PDSS2: variants seen among roughly 807,000 people sequenced by gnomAD.
PDSS2 encodes all trans-polyprenyl-diphosphate synthase PDSS2.
PDSS2 carries 31 observed loss-of-function variants against 44.5 expected under a neutral mutation model. The observed-to-expected ratio is 0.70, with a 90% confidence interval of 0.52 to 0.94. The LOEUF is 0.94. Among genes scored for constraint, PDSS2 ranks in the 40% least tolerant of loss-of-function variants. The pLI, the probability that PDSS2 is intolerant of heterozygous loss-of-function variation, is 0.00. For synonymous variants in PDSS2, 157 were observed against 180.3 expected (o/e 0.87, Z 1.03); for missense variants, 452 against 482.2 (o/e 0.94, Z 0.59).
chr6:107,403,300 G>C (rs1403297287), intron 1 of PDSS2, among the ~76,000 whole-genome samples: 1 of 152,102 alleles, frequency 6.6e-6, no homozygotes, highest in African/African-American at 2.4e-5. Flanking sequence ...GCTGATATAA[G>C]AGGTAGGCTC....
chr6:107,452,765 CA>C (rs1452740488), intron 1 of PDSS2, among the ~76,000 whole-genome samples: 1 of 150,384 alleles, frequency 6.6e-6, no homozygotes, highest in African/African-American at 2.4e-5. Context: ...CTCCCAAGTT[CA>C]AGCGATTCTC....
At chr6:107,391,309 T>C (rs999660068) in intron 1 of PDSS2, among the ~76,000 whole-genome samples, 2 of 152,052 alleles carry the variant, frequency 1.3e-5, no homozygotes, top group Non-Finnish European at 2.9e-5. Flanking sequence ...CCATGTGTAA[T>C]GATAAGAGGG....
intron 3 of PDSS2, among the ~76,000 whole-genome samples, chr6:107,249,092 C>T (rs556368164): frequency 2.6e-5 from 4 of 152,318 alleles, no homozygotes; most frequent in Non-Finnish European, 4.4e-5. Context: ...TTCTGAATGA[C>T]ATCAGGCTTA....
intron 1 of PDSS2, among the ~76,000 whole-genome samples, chr6:107,412,233 C>CTTTTTTTT (rs1169549611): frequency 6.3e-4 from 46 of 73,436 alleles, no homozygotes; most frequent in Non-Finnish European, 8.9e-4. Context: ...GTCCTTTGCT[C>CTTTTTTTT]TTTTTTTTTT....
intron 1 of PDSS2, among the ~76,000 whole-genome samples, chr6:107,443,055 G>A (rs769314078): frequency 6.6e-6 from 1 of 152,146 alleles, no homozygotes; most frequent in Non-Finnish European, 1.5e-5. Context: ...TCCTGGGGAG[G>A]GGAAGGGAGA....
intron 2 of PDSS2, among the ~76,000 whole-genome samples, chr6:107,315,993 C>T (rs545053748): frequency 6.6e-6 from 1 of 152,164 alleles, no homozygotes; most frequent in East Asian, 1.9e-4. Flanking sequence ...GATTGATGGA[C>T]TTAATGAAAT....
At chr6:107,167,513 C>T (rs1425825372) in intron 7 of PDSS2, among the ~76,000 whole-genome samples, 10 of 152,150 alleles carry the variant, frequency 6.6e-5, no homozygotes, top group African/African-American at 2.4e-4. Flanking sequence ...TTCTTGCCTT[C>T]TGCTAGCTTT....
chr6:107,249,863 A>C (rs1774754508), intron 3 of PDSS2, among the ~76,000 whole-genome samples: 1 of 152,184 alleles, frequency 6.6e-6, no homozygotes, highest in African/African-American at 2.4e-5. Flanking sequence ...GTCTCACCCA[A>C]GTTAGGAAGA....
intron 4 of PDSS2, among the ~76,000 whole-genome samples, chr6:107,234,701 C>A (rs1156336901): frequency 6.6e-6 from 1 of 152,080 alleles, no homozygotes; most frequent in Non-Finnish European, 1.5e-5. Flanking sequence ...TGGCTGGCAA[C>A]TATATAATCA....
At chr6:107,225,161 A>ATAT (rs1562389443) in intron 4 of PDSS2, among the ~76,000 whole-genome samples, 13 of 50,394 alleles carry the variant, frequency 2.6e-4, no homozygotes, top group South Asian at 7.1e-4. Flanking sequence ...ATATATATAT[A>ATAT]TTTTTTTTTT....
At chr6:107,404,144 C>T (rs1434027585) in intron 1 of PDSS2, among the ~76,000 whole-genome samples, 1 of 152,176 alleles carries the variant, frequency 6.6e-6, no homozygotes, top group South Asian at 2.1e-4. Flanking sequence ...GGCAAAATGA[C>T]ACCAGTCTCT....
intron 1 of PDSS2, among the ~76,000 whole-genome samples, chr6:107,350,882 A>G (rs1778412634): frequency 6.6e-6 from 1 of 152,204 alleles, no homozygotes; most frequent in Non-Finnish European, 1.5e-5. Flanking sequence ...TGGGGGAAAA[A>G]AAAACAAAAC....
chr6:107,205,878 G>A (rs1772956981), intron 6 of PDSS2, among the ~76,000 whole-genome samples: 1 of 152,190 alleles, frequency 6.6e-6, no homozygotes, highest in African/African-American at 2.4e-5. Flanking sequence ...GGTATCGAGA[G>A]TATGTCACCT....
chr6:107,333,515 T>G lies in PDSS2; in HGVS notation c.431+683A>C, dbSNP rs192935494. ...TCTTAAAATGACAGTAGCATCAATCTTTATACAATGAGGTATTATTTTATC... is the reference window on the plus strand; with the variant it reads ...TCTTAAAATGACAGTAGCATCAATCGTTATACAATGAGGTATTATTTTATC... On this transcript the variant is annotated intron_variant, in intron 2 of 7. Coordinates refer to ENST00000369037, the MANE Select transcript of PDSS2 (RefSeq NM_020381.4). 5.1e-3 allele frequency among the ~76,000 whole-genome samples: 782 copies of G among 152,282 alleles called. 7 individuals are homozygous for G. Among genetic ancestry groups the G allele is most frequent in the Non-Finnish European group, 9.4e-3 (638 of 68,010 alleles).
At position 107,334,338 on chromosome 6, in the gene PDSS2, A is replaced by G. The variant is rs968769705; in HGVS notation, c.297-6T>C. The G allele has an allele frequency of 4.3e-6, 7 of 1,613,208 alleles. No individual in the cohort carries two copies. The highest frequency in any genetic ancestry group is 5.9e-6 in the Non-Finnish European group (7 of 1,179,496). On this transcript the variant is annotated splice_polypyrimidine_tract_variant and splice_region_variant and intron_variant, in intron 1 of 7. Transcript: ENST00000369037. ...AGCTGTCATGTACAAGCCCCCTGCC[A>G]ACAAGCAAAGAAGGAAGAGGATTAA...
intron 3 of PDSS2, chr6:107,264,266 CAA>C (rs1476840085): frequency 7.4e-7 from 1 of 1,358,228 alleles, no homozygotes; most frequent in Non-Finnish European, 9.5e-7. Flanking sequence ...TTTGTACAAA[CAA>C]AATACTTCAT....
At chr6:107,349,004 T>A (rs1778342252) in intron 1 of PDSS2, among the ~76,000 whole-genome samples, 1 of 152,232 alleles carries the variant, frequency 6.6e-6, no homozygotes, top group Non-Finnish European at 1.5e-5. Context: ...TCAGCTATTC[T>A]CATCCTTCCT....
intron 7 of PDSS2, among the ~76,000 whole-genome samples, chr6:107,190,890 C>T (rs1772351328): frequency 1.3e-5 from 2 of 150,908 alleles, no homozygotes; most frequent in Non-Finnish European, 2.9e-5. Context: ...CAACACAGAG[C>T]AATGAAGGGG....
chr6:107,242,287 G>A (rs1322477076), intron 4 of PDSS2, among the ~76,000 whole-genome samples: 5 of 151,934 alleles, frequency 3.3e-5, no homozygotes, highest in Admixed American at 6.6e-5. Context: ...ATTTTGAGAC[G>A]GAGTCTTGCT....
Sources: gnomAD v4.1 joint callset for allele counts (sites outside exome capture counted in the v4.1 genomes callset) on GRCh38, gnomAD v4.1.1 for gene constraint, MANE v1.5 for transcripts, NCBI Gene and HGNC (gene_info 2026-07-23, HGNC 2026-07-21) for gene names.